IKZF2: variants seen among roughly 807,000 people sequenced by gnomAD.
IKZF2 encodes the protein IKAROS family zinc finger 2.
In IKZF2, 15 loss-of-function variants were observed where a neutral mutation model predicts 49.2. The observed-to-expected ratio is 0.30, with a 90% CI of 0.20 to 0.47. The LOEUF (loss-of-function observed/expected upper bound fraction) is 0.47. Among genes scored for constraint, IKZF2 ranks in the 20% least tolerant of loss-of-function variants. The pLI is 1.00. For missense variants in IKZF2, 567 were observed against 664.6 expected (o/e 0.85, Z 1.61); for synonymous variants, 227 against 221.4 (o/e 1.03, Z -0.23).
intron 4 of IKZF2, among the ~76,000 whole-genome samples, chr2:213,128,804 C>CTTTTTTTTTTTTTTT (rs1184422126): frequency 1.7e-4 from 19 of 113,196 alleles, no homozygotes; most frequent in East Asian, 2.7e-4. Context: ...ATTTTTTTTT[C>CTTTTTTTTTTTTTTT]TTTTTTTTTT....
chr2:213,061,292 T>G (rs1701657202), intron 4 of IKZF2, among the ~76,000 whole-genome samples: 1 of 151,448 alleles, frequency 6.6e-6, no homozygotes, highest in Non-Finnish European at 1.5e-5. Context: ...TGCCTTTAAT[T>G]CACTAATATG....
intron 4 of IKZF2, among the ~76,000 whole-genome samples, chr2:213,133,510 T>C (rs184097218): frequency 6.6e-6 from 1 of 152,084 alleles, no homozygotes; most frequent in Admixed American, 6.6e-5. Flanking sequence ...GTAGGCAGAT[T>C]ACTTGAGGTC....
intron 6 of IKZF2, among the ~76,000 whole-genome samples, chr2:213,026,126 C>G (rs1330869011): frequency 6.6e-6 from 1 of 152,094 alleles, no homozygotes; most frequent in African/African-American, 2.4e-5. Flanking sequence ...TCCCAAAGCA[C>G]ACATCCCACT....
intron 4 of IKZF2, among the ~76,000 whole-genome samples, chr2:213,119,444 T>G (rs1559297753): frequency 6.6e-6 from 1 of 151,864 alleles, no homozygotes; most frequent in Non-Finnish European, 1.5e-5. Context: ...TCAGAGGAAG[T>G]TTCATAAAAA....
At chr2:213,081,502 G>GT (rs1310121905) in intron 4 of IKZF2, among the ~76,000 whole-genome samples, 2 of 152,132 alleles carry the variant, frequency 1.3e-5, no homozygotes, top group East Asian at 3.8e-4. Flanking sequence ...ACTAATAGAT[G>GT]TGTGGACTCA....
chr2:213,038,970 A>G (rs957619428), intron 6 of IKZF2, among the ~76,000 whole-genome samples: 2 of 152,124 alleles, frequency 1.3e-5, no homozygotes, highest in African/African-American at 4.8e-5. Context: ...ATATGGTCAA[A>G]GATGAGCTCC....
chr2:213,074,191 C>T (rs536453859), intron 4 of IKZF2, among the ~76,000 whole-genome samples: 7 of 152,306 alleles, frequency 4.6e-5, no homozygotes, highest in South Asian at 2.1e-4. Context: ...ATTATTCTGA[C>T]ATGTTTATAA....
chr2:213,111,551 T>A (rs1157378654), intron 4 of IKZF2, among the ~76,000 whole-genome samples: 1 of 152,064 alleles, frequency 6.6e-6, no homozygotes, highest in African/African-American at 2.4e-5. Context: ...ATCAAATTTT[T>A]ATAATCTTAT....
At chr2:213,077,295 T>G (rs781282772) in intron 4 of IKZF2, among the ~76,000 whole-genome samples, 1 of 152,196 alleles carries the variant, frequency 6.6e-6, no homozygotes, top group Non-Finnish European at 1.5e-5. Context: ...GATATTAAAT[T>G]GTAGTATTCC....
chr2:213,011,449 G>T (rs1468477434), intron 8 of IKZF2, among the ~76,000 whole-genome samples: 1 of 151,716 alleles, frequency 6.6e-6, no homozygotes, highest in Non-Finnish European at 1.5e-5. Flanking sequence ...ACAAGAGGGG[G>T]AATGAACTTT....
rs144210639 is a variant in IKZF2 at position 213,093,583 on chromosome 2, T to C, written c.140-36484A>G. ...TCTAATATAAATTATTACATACTTA[T>C]ATATGTGCTTACATTTTTAATGTCT... On this transcript the variant is annotated intron_variant, in intron 4 of 8. Coordinates refer to ENST00000434687, the MANE Select transcript of IKZF2 (RefSeq NM_001387220.1). Among the ~76,000 whole-genome samples, 101 of 152,316 alleles carry C rather than the reference T, an allele frequency of 6.6e-4. 1 individual carries two copies. The East Asian group carries it at 0.014, about 20-fold the overall frequency.
chr2:213,139,623 T>C (rs2060798146), intron 4 of IKZF2, among the ~76,000 whole-genome samples: 1 of 151,984 alleles, frequency 6.6e-6, no homozygotes, highest in African/African-American at 2.4e-5. Flanking sequence ...TGATTTTAAA[T>C]ATCAGTTTTG....
intron 4 of IKZF2, among the ~76,000 whole-genome samples, chr2:213,061,823 G>C (rs1371234530): frequency 6.6e-6 from 1 of 151,568 alleles, no homozygotes; most frequent in Non-Finnish European, 1.5e-5. Flanking sequence ...AAGAGTTCAT[G>C]AGTTAGAATA....
chr2:213,026,994 C>T (rs1697887429), intron 6 of IKZF2, among the ~76,000 whole-genome samples: 1 of 151,956 alleles, frequency 6.6e-6, no homozygotes, highest in African/African-American at 2.4e-5. Flanking sequence ...CAAATAGTCC[C>T]AAGTGGCATT....
chr2:213,151,883 G>A (rs550999372), upstream of IKZF2, among the ~76,000 whole-genome samples: 7 of 150,680 alleles, frequency 4.6e-5, no homozygotes, highest in South Asian at 1.4e-3. Flanking sequence ...TGGCGGGCGC[G>A]TGTGCGCGTG....
intron 6 of IKZF2, among the ~76,000 whole-genome samples, chr2:213,039,021 T>C (rs1699345704): frequency 6.6e-6 from 1 of 152,052 alleles, no homozygotes; most frequent in African/African-American, 2.4e-5. Context: ...TTTTTTATTT[T>C]TAAGAAATTT....
intron 4 of IKZF2, among the ~76,000 whole-genome samples, chr2:213,147,097 A>G (rs917942815): frequency 6.6e-6 from 1 of 152,144 alleles, no homozygotes; most frequent in Non-Finnish European, 1.5e-5. Context: ...ACCCTTTATC[A>G]AAAACAGTAG....
intron 4 of IKZF2, among the ~76,000 whole-genome samples, chr2:213,126,354 A>G (rs1288622128): frequency 6.6e-6 from 1 of 152,120 alleles, no homozygotes; most frequent in Non-Finnish European, 1.5e-5. Flanking sequence ...AGCTCCTTTG[A>G]GAGTAGGGTC....
intron 4 of IKZF2, among the ~76,000 whole-genome samples, chr2:213,093,122 C>A (rs139590941): frequency 7.2e-5 from 11 of 152,278 alleles, no homozygotes; most frequent in Admixed American, 7.2e-4. Context: ...TAAATATCTG[C>A]TCTTCTCCCC....
Sources: gnomAD v4.1 joint callset for allele counts (sites outside exome capture counted in the v4.1 genomes callset) on GRCh38, gnomAD v4.1.1 for gene constraint, MANE v1.5 for transcripts, NCBI Gene and HGNC (gene_info 2026-07-23, HGNC 2026-07-21) for gene names.